The following SNTB1 variants were observed in gnomAD, a reference collection of about 807,000 sequenced individuals.
SNTB1 encodes syntrophin beta 1.
A neutral mutation model predicts 48.9 loss-of-function variants in SNTB1; 36 were observed. The ratio of observed to expected loss-of-function variants is 0.74; its 90% CI spans 0.56 to 0.97. The LOEUF (loss-of-function observed/expected upper bound fraction) is 0.97. SNTB1 is among the 50% of genes least tolerant of loss of function. The pLI, the probability that SNTB1 is intolerant of heterozygous loss-of-function variation, is 0.00. For missense variants in SNTB1, 786 were observed against 703.4 expected (o/e 1.12, Z -1.33); for synonymous variants, 299 against 294.6 (o/e 1.01, Z -0.15).
intron 5 of SNTB1, among the ~76,000 whole-genome samples, chr8:120,542,697 C>T (rs1403859858): frequency 7.2e-6 from 1 of 138,738 alleles, no homozygotes; most frequent in East Asian, 2.0e-4. Flanking sequence ...CTTTGAATCA[C>T]CAACCTTATC....
intron 1 of SNTB1, among the ~76,000 whole-genome samples, chr8:120,715,326 A>T (rs1320247621): frequency 2.0e-5 from 3 of 152,228 alleles, no homozygotes; most frequent in Non-Finnish European, 4.4e-5. Context: ...CCTGTGAATG[A>T]AGGATAACTT....
intron 1 of SNTB1, among the ~76,000 whole-genome samples, chr8:120,735,831 A>C (rs1434945865): frequency 2.6e-5 from 4 of 152,248 alleles, no homozygotes; most frequent in South Asian, 2.1e-4. Context: ...GAGGAAGAAC[A>C]GGCAGGAGGC....
At chr8:120,663,910 T>C (rs973851740) in intron 2 of SNTB1, among the ~76,000 whole-genome samples, 3 of 152,220 alleles carry the variant, frequency 2.0e-5, no homozygotes, top group Non-Finnish European at 4.4e-5. Flanking sequence ...ATGACAGTTT[T>C]ATTTCCAAAT....
At chr8:120,552,982 G>A (rs973385473) in intron 4 of SNTB1, among the ~76,000 whole-genome samples, 12 of 152,124 alleles carry the variant, frequency 7.9e-5, no homozygotes, top group East Asian at 7.7e-4. Flanking sequence ...AGAATCTAAC[G>A]CTGCAGCTGA....
intron 2 of SNTB1, among the ~76,000 whole-genome samples, chr8:120,692,083 G>A (rs1228518697): frequency 6.6e-6 from 1 of 152,156 alleles, no homozygotes; most frequent in Non-Finnish European, 1.5e-5. Context: ...CCCTCTTGCC[G>A]ATACTTGCTG....
intron 1 of SNTB1, among the ~76,000 whole-genome samples, chr8:120,722,517 T>C (rs1417893713): frequency 6.6e-6 from 1 of 152,230 alleles, no homozygotes; most frequent in Admixed American, 6.5e-5. Flanking sequence ...CATTTTTTCA[T>C]GTGTCTTTCG....
intron 2 of SNTB1, among the ~76,000 whole-genome samples, chr8:120,644,965 T>C (rs954963636): frequency 2.0e-5 from 3 of 152,074 alleles, no homozygotes; most frequent in African/African-American, 4.8e-5. Context: ...TGTCTTCTTT[T>C]GAGAAGTGTC....
At chr8:120,614,028 T>C (rs993670040) in intron 3 of SNTB1, among the ~76,000 whole-genome samples, 3 of 152,310 alleles carry the variant, frequency 2.0e-5, no homozygotes, top group Non-Finnish European at 4.4e-5. Context: ...CTGTCAGTGG[T>C]TTGCCCAAGA....
intron 3 of SNTB1, among the ~76,000 whole-genome samples, chr8:120,612,741 C>T (rs1816646393): frequency 1.3e-5 from 2 of 151,982 alleles, no homozygotes; most frequent in Admixed American, 6.6e-5. Context: ...TTAGTAGAGA[C>T]AAAAGTACAG....
At chr8:120,552,685 A>G (rs1815501473) in intron 4 of SNTB1, among the ~76,000 whole-genome samples, 1 of 152,188 alleles carries the variant, frequency 6.6e-6, no homozygotes, top group African/African-American at 2.4e-5. Context: ...TTTTGGCACC[A>G]GGGACTGGTT....
At chr8:120,682,497 G>C (rs1817947769) in intron 2 of SNTB1, among the ~76,000 whole-genome samples, 1 of 152,132 alleles carries the variant, frequency 6.6e-6, no homozygotes, top group Non-Finnish European at 1.5e-5. Flanking sequence ...CAACCTCTCT[G>C]AACTTCTCCT....
At chr8:120,678,423 C>G (rs1479675450) in intron 2 of SNTB1, among the ~76,000 whole-genome samples, 1 of 152,166 alleles carries the variant, frequency 6.6e-6, no homozygotes, top group Non-Finnish European at 1.5e-5. Flanking sequence ...ATGTCCAACC[C>G]TATTTCAGAG....
At chr8:120,677,645 C>T (rs1817860067) in intron 2 of SNTB1, among the ~76,000 whole-genome samples, 1 of 151,948 alleles carries the variant, frequency 6.6e-6, no homozygotes, top group Non-Finnish European at 1.5e-5. Context: ...GAGGATTTTA[C>T]ATTTGCTAAG....
intron 1 of SNTB1, among the ~76,000 whole-genome samples, chr8:120,701,348 C>A (rs1485281777): frequency 2.6e-5 from 4 of 152,116 alleles, no homozygotes; most frequent in Non-Finnish European, 5.9e-5. Context: ...CAGCCCTGGG[C>A]AAGTCACTTC....
intron 2 of SNTB1, among the ~76,000 whole-genome samples, chr8:120,668,744 T>C (rs1817714257): frequency 6.6e-6 from 1 of 152,196 alleles, no homozygotes; most frequent in African/African-American, 2.4e-5. Flanking sequence ...TCACCACTAA[T>C]TTTGCATCAA....
chr8:120,715,134 C>T (rs1332843700), intron 1 of SNTB1, among the ~76,000 whole-genome samples: 1 of 152,224 alleles, frequency 6.6e-6, no homozygotes, highest in Non-Finnish European at 1.5e-5. Flanking sequence ...TTCTCCTCTA[C>T]ATGCACAGCT....
At chr8:120,655,283 T>C (rs775993238) in intron 2 of SNTB1, among the ~76,000 whole-genome samples, 1 of 152,196 alleles carries the variant, frequency 6.6e-6, no homozygotes, top group African/African-American at 2.4e-5. Context: ...AAGCAAAAAT[T>C]AGATTGTTTA....
intron 3 of SNTB1, among the ~76,000 whole-genome samples, chr8:120,594,079 T>C (rs1347389755): frequency 2.0e-5 from 3 of 152,090 alleles, no homozygotes. Flanking sequence ...ATTTATTTAT[T>C]TTGAGACAGG....
At chr8:120,582,736 A>C (rs1244409270) in intron 3 of SNTB1, among the ~76,000 whole-genome samples, 1 of 151,998 alleles carries the variant, frequency 6.6e-6, no homozygotes, top group Non-Finnish European at 1.5e-5. Flanking sequence ...AGGGAGGGGA[A>C]TATCACACAC....
Sources: gnomAD v4.1 joint callset for allele counts (sites outside exome capture counted in the v4.1 genomes callset) on GRCh38, gnomAD v4.1.1 for gene constraint, MANE v1.5 for transcripts, NCBI Gene and HGNC (gene_info 2026-07-23, HGNC 2026-07-21) for gene names.